LPGAT1: variants seen among roughly 807,000 people sequenced by gnomAD.
LPGAT1 encodes acyl-CoA:lysophosphatidylglycerol acyltransferase 1.
LPGAT1 carries 11 observed loss-of-function variants against 47.5 expected under a neutral mutation model. The ratio of observed to expected loss-of-function variants is 0.23; its 90% CI spans 0.15 to 0.38. LPGAT1 has a LOEUF of 0.38. LPGAT1 is among the 10% of genes least tolerant of loss of function. The probability of loss-of-function intolerance (pLI) is 1.00; values close to 1 mark genes in which losing one functional copy is unlikely to be tolerated. For missense variants in LPGAT1, 293 were observed against 439.0 expected, an observed-to-expected ratio of 0.67 and a Z score of 2.97; for synonymous variants, 138 against 144.2, an observed-to-expected ratio of 0.96 and a Z score of 0.31.
At chr1:211,778,351 A>C (rs980587104) in intron 6 of LPGAT1, among the ~76,000 whole-genome samples, 9 of 150,928 alleles carry the variant, frequency 6.0e-5, no homozygotes, top group African/African-American at 1.7e-4. Context: ...CAAAAAAAAA[A>C]AAAAAAAAAA....
At chr1:211,806,046 G>T (rs1348324844) in intron 2 of LPGAT1, among the ~76,000 whole-genome samples, 1 of 152,124 alleles carries the variant, frequency 6.6e-6, no homozygotes, top group Non-Finnish European at 1.5e-5. Context: ...GATCACTTGA[G>T]GTCATAAGTT....
chr1:211,754,229 G>A (rs945901527), intron 6 of LPGAT1, among the ~76,000 whole-genome samples: 2 of 152,164 alleles, frequency 1.3e-5, no homozygotes, highest in Admixed American at 6.5e-5. Flanking sequence ...GGGGCTGCGG[G>A]ATCTGCATTC....
At chr1:211,784,960 C>T (rs1453548874) in intron 4 of LPGAT1, among the ~76,000 whole-genome samples, 4 of 152,082 alleles carry the variant, frequency 2.6e-5, no homozygotes, top group South Asian at 2.1e-4. Flanking sequence ...CCTGCCACCA[C>T]ACCCGGCTAA....
At position 211,745,366 on chromosome 1, in the gene LPGAT1, A is replaced by G. The variant is rs1031407885; in HGVS notation, c.*4533T>C. On this transcript the variant is annotated 3_prime_UTR_variant, in exon 8 of 8. Coordinates refer to ENST00000366997, the MANE Select transcript of LPGAT1 (RefSeq NM_014873.3). ...AATAAAAATAATGGCAGTTGAAAGT[A>G]TAACTGTCTCATCACCCGATCATAA... 6.6e-6 allele frequency: 1 copy of G among 152,366 alleles called. No homozygotes were observed. Among genetic ancestry groups the G allele is most frequent in the East Asian group, 1.9e-4 (1 of 5,192 alleles). The allele number at this position is 152,366 out of a possible 1,614,324, so 9.4% of individuals were successfully genotyped here.
intron 6 of LPGAT1, among the ~76,000 whole-genome samples, chr1:211,777,219 C>A (rs1437267530): frequency 6.6e-6 from 1 of 152,084 alleles, no homozygotes; most frequent in Non-Finnish European, 1.5e-5. Context: ...GGCCCAAATC[C>A]CCTCTCACAA....
rs777504413 is a variant in LPGAT1 at position 211,783,223 on chromosome 1, T to A, written c.727+6A>T. 1.3e-6 allele frequency: 2 copies of A among 1,598,948 alleles called. No homozygotes were observed. The highest frequency in any genetic ancestry group is 3.4e-5 in the Admixed American group (2 of 59,116). ...ACAAGGTAAAAAATGCTAAAAACCATCATACCTAATTCTTTAGCATCTCCT... is the reference window on the plus strand; with the variant it reads ...ACAAGGTAAAAAATGCTAAAAACCAACATACCTAATTCTTTAGCATCTCCT... On this transcript the variant is annotated splice_donor_region_variant and intron_variant, in intron 5 of 7. Coordinates refer to ENST00000366997, the MANE Select transcript of LPGAT1 (RefSeq NM_014873.3).
chr1:211,817,081 T>A (rs370397041), intron 2 of LPGAT1, among the ~76,000 whole-genome samples: 1 of 152,206 alleles, frequency 6.6e-6, no homozygotes, highest in East Asian at 1.9e-4. Context: ...CCAAATGACA[T>A]CCTAGTTCCT....
chr1:211,783,247 C>T lies in LPGAT1; in HGVS notation c.709G>A (p.Gly237Arg). 1 of 1,612,230 alleles carries T rather than the reference C, an allele frequency of 6.2e-7. No individual in the cohort carries two copies. The highest frequency in any genetic ancestry group is 1.1e-5 in the South Asian group (1 of 91,008). The change falls in exon 5 of 8, where the codon GGA becomes AGA. Residue 237 changes from glycine (G) to arginine (R), a missense_variant. Gly to Arg is a moderately radical substitution (Grantham distance 125). Coordinates refer to ENST00000366997, the MANE Select transcript of LPGAT1 (RefSeq NM_014873.3). ...AQQKNGSPAG[G>R]DAKELDSKSK... ...ATCATACCTAATTCTTTAGCATCTC[C>T]TCCTGCTGGACTTCCATTTTTCTGT...
At chr1:211,802,253 C>A (rs912365805) in intron 2 of LPGAT1, among the ~76,000 whole-genome samples, 2 of 151,998 alleles carry the variant, frequency 1.3e-5, no homozygotes, top group African/African-American at 4.8e-5. Flanking sequence ...ATCAATCTGT[C>A]TTTTGTTAGC....
At chr1:211,777,071 T>C (rs774569708) in intron 6 of LPGAT1, among the ~76,000 whole-genome samples, 2 of 152,194 alleles carry the variant, frequency 1.3e-5, no homozygotes, top group Non-Finnish European at 2.9e-5. Flanking sequence ...TTTTAAAATA[T>C]AACCAAATGA....
intron 6 of LPGAT1, among the ~76,000 whole-genome samples, chr1:211,754,227 G>T (rs1017985286): frequency 1.3e-5 from 2 of 152,136 alleles, no homozygotes; most frequent in Non-Finnish European, 2.9e-5. Flanking sequence ...TAGGGGCTGC[G>T]GGATCTGCAT....
intron 2 of LPGAT1, among the ~76,000 whole-genome samples, chr1:211,801,926 AT>A (rs139125898): frequency 0.022 from 3,259 of 151,192 alleles, 37 homozygotes; most frequent in Non-Finnish European, 0.024. Context: ...CTAAAAAAAA[AT>A]TTTTTTTTAA....
In LPGAT1 at chr1:211,793,140, T is replaced by C. The variant is rs769287773; in HGVS notation, c.289A>G (p.Met97Val). Residue 97 changes from methionine (M) to valine (V), a missense_variant, in exon 3 of 8, where the codon ATG becomes GTG. Met to Val is a conservative substitution (Grantham distance 21). Transcript: ENST00000366997. The part of the protein sequence containing the change: ...IKAVSKDEAV[M>V]LVNHQATGDV... ...CCTGTTGCCTGATGATTCACCAACA[T>C]CACTGCTTCATCTTTTGAAACTGCT... 1.7e-5 allele frequency: 28 copies of C among 1,611,234 alleles called. No homozygotes were observed. Among genetic ancestry groups the C allele is most frequent in the Non-Finnish European group, 2.3e-5 (27 of 1,178,728 alleles).
At chr1:211,798,580 G>C (rs1480543558) in intron 2 of LPGAT1, among the ~76,000 whole-genome samples, 1 of 152,000 alleles carries the variant, frequency 6.6e-6, no homozygotes, top group Non-Finnish European at 1.5e-5. Context: ...GCTACTCTAG[G>C]GGCTAAGGCA....
rs143949954 is a variant in LPGAT1, at chr1:211,801,061, C to T, written c.239-7871G>A. 3.9e-4 allele frequency among the ~76,000 whole-genome samples: 60 copies of T among 152,328 alleles called. No homozygotes were observed. The East Asian group carries it at 0.011, about 28-fold the overall frequency. On this transcript the variant is annotated intron_variant, in intron 2 of 7. Coordinates refer to ENST00000366997, the MANE Select transcript of LPGAT1 (RefSeq NM_014873.3). ...TGATAAGCCACAGCCACTTGCTTGG[C>T]TACAAATCAACATTTTAATCTCTCA...
At position 211,784,967 on chromosome 1, in the gene LPGAT1, C is replaced by A. The variant is rs181954400; in HGVS notation, c.454-1465G>T. 1.6e-4 allele frequency among the ~76,000 whole-genome samples: 25 copies of A among 152,160 alleles called. No individual in the cohort carries two copies. In the East Asian group the frequency reaches 3.7e-3, roughly 22 times the overall value. On this transcript the variant is annotated intron_variant, in intron 4 of 7. Transcript: ENST00000366997. ...TACAGGCGCCTGCCACCACACCCGG[C>A]TAATTTTTTTTGTTTTTAGTAGAGA...
In LPGAT1 at chr1:211,785,038, T is replaced by C. The variant is rs540358598; in HGVS notation, c.454-1536A>G. On this transcript the variant is annotated intron_variant, in intron 4 of 7. Transcript: ENST00000366997. ...CAGGATGGTCTCGATCTCCTGACCT[T>C]GTGATCTGCCCCCCTTGGCCTCCCA... is the stretch of plus-strand genomic sequence containing the variant. Among the ~76,000 whole-genome samples, 33 of 152,130 alleles carry C rather than the reference T, an allele frequency of 2.2e-4. No homozygotes were observed. The East Asian group carries it at 4.1e-3, about 19-fold the overall frequency.
chr1:211,800,600 C>T (rs982741938), intron 2 of LPGAT1, among the ~76,000 whole-genome samples: 1 of 152,154 alleles, frequency 6.6e-6, no homozygotes, highest in African/African-American at 2.4e-5. Flanking sequence ...GAGCTAGTGG[C>T]ATTTTGGGTG....
intron 2 of LPGAT1, among the ~76,000 whole-genome samples, chr1:211,804,034 C>T (rs1659669312): frequency 6.6e-6 from 1 of 152,142 alleles, no homozygotes; most frequent in South Asian, 2.1e-4. Flanking sequence ...GCTGGGATTA[C>T]AGGCGTGAGC....
Sources: allele counts gnomAD v4.1 joint callset (sites outside exome capture counted in the v4.1 genomes callset), GRCh38; gene constraint gnomAD v4.1.1; transcripts MANE v1.5; gene names NCBI Gene and HGNC (gene_info 2026-07-23, HGNC 2026-07-21).